The following TSC2 variants were observed in gnomAD, a reference collection of about 807,000 sequenced individuals.
The protein encoded by TSC2 is TSC complex subunit 2.
A neutral mutation model predicts 202.2 loss-of-function variants in TSC2; 29 were observed. The ratio of observed to expected loss-of-function variants is 0.14; its 90% CI spans 0.11 to 0.20. The LOEUF is 0.20. Among genes scored for constraint, TSC2 ranks in the 10% least tolerant of loss-of-function variants. The pLI, the probability that TSC2 is intolerant of heterozygous loss-of-function variation, is 1.00. For synonymous variants in TSC2, 1,349 were observed against 1,044.0 expected, an observed-to-expected ratio of 1.29 and a Z score of -5.63; for missense variants, 2,429 against 2,420.0, an observed-to-expected ratio of 1.00 and a Z score of -0.08.
Position 2,088,219 on chromosome 16 carries a change from G to C in TSC2, c.5161-8G>C, listed in dbSNP as rs374674097. The C allele has an allele frequency of 2.5e-6, 4 of 1,613,038 alleles. No homozygotes were observed. The South Asian group carries it at 3.3e-5, about 13-fold the overall frequency. On this transcript the variant is annotated splice_region_variant and splice_polypyrimidine_tract_variant and intron_variant, in intron 40 of 41. Coordinates refer to ENST00000219476, the MANE Select transcript of TSC2 (RefSeq NM_000548.5). ...GATAGTGAGCTCACCCCCTGCCTAC[G>C]TCCCCAGATGGCCTCACAGGTGCAT...
chr16:2,087,719 C>A (rs1283395938), intron 38 of TSC2, 144 bp from the exon 39 acceptor site: 3 of 1,039,716 alleles, frequency 2.9e-6, no homozygotes, highest in Non-Finnish European at 4.3e-6. Context: ...CAGACAAACA[C>A]AGCCCCGCTG....
At chr16:2,061,016 G>A in intron 11 of TSC2, 2 of 671,372 alleles carry the variant, frequency 3.0e-6, no homozygotes, top group Non-Finnish European at 5.0e-6. Flanking sequence ...CATCGTTTAG[G>A]CCCCAGACAG....
At chr16:2,074,613 C>G in intron 22 of TSC2, 1 of 608,972 alleles carries the variant, frequency 1.6e-6, no homozygotes, top group Non-Finnish European at 2.9e-6. Flanking sequence ...AACGCTCCTC[C>G]TTGAAGAAGC....
chr16:2,075,719 G>T (rs986521947), intron 22 of TSC2, 80 bp from the exon 23 acceptor site: 4 of 1,476,624 alleles, frequency 2.7e-6, no homozygotes, highest in African/African-American at 1.4e-5. Flanking sequence ...CATCGCTGCC[G>T]TGGGCAGAGC....
At chr16:2,078,973 T>C in intron 26 of TSC2, 59 bp from the exon 27 acceptor site, 12 of 1,606,408 alleles carry the variant, frequency 7.5e-6, no homozygotes, top group Non-Finnish European at 1.0e-5. Context: ...CCCTTGGTGA[T>C]AGGTGGCTCG....
In TSC2 at chr16:2,048,654, G is replaced by T. The variant is rs766814650; in HGVS notation, c.39G>T (p.Glu13Asp). 1.2e-6 allele frequency: 2 copies of T among 1,614,010 alleles called. No individual in the cohort carries two copies. Among genetic ancestry groups the T allele is most frequent in the Admixed American group, 1.7e-5 (1 of 60,012 alleles). Reference sequence around the variant, plus strand: ...CAAGCAAAGATTCAGGCTTGAAGGAGAAGTTTAAGATTCTGTTGGGACTGG... The same window carrying T: ...CAAGCAAAGATTCAGGCTTGAAGGATAAGTTTAAGATTCTGTTGGGACTGG... ...KPTSKDSGLK[E>D]KFKILLGLGT... The change falls in exon 2 of 42, where the codon GAG becomes GAT. Residue 13 changes from glutamate (E) to aspartate (D), a missense_variant. Transcript: ENST00000219476.
intron 38 of TSC2, chr16:2,087,147 G>A: frequency 1.9e-6 from 1 of 523,208 alleles, no homozygotes; most frequent in South Asian, 2.0e-5. Context: ...GGTGCTTCCT[G>A]TCTGTCCGGC....
At chr16:2,064,730 G>C (rs1056387365) in intron 15 of TSC2, 6 of 499,848 alleles carry the variant, frequency 1.2e-5, no homozygotes, top group Non-Finnish European at 2.2e-5. Flanking sequence ...CGTCCTCCCT[G>C]CCCAGCCAAC....
At position 2,087,747 on chromosome 16, in the gene TSC2, G is replaced by C. The variant is rs1479538712; in HGVS notation, c.4990-116G>C. 12 of 1,286,932 alleles carry C rather than the reference G, an allele frequency of 9.3e-6. No individual in the cohort carries two copies. In the Admixed American group the frequency reaches 2.4e-4, roughly 25 times the overall value. 79.7% of individuals were successfully genotyped at this position (1,286,932 alleles called of 1,614,324 possible). ...CCCCGCTGCCAGAGGGGAAAGTTCAGGGGCAGATGCTGCCCATGGAGCTGA... is the reference window on the plus strand; with the variant it reads ...CCCCGCTGCCAGAGGGGAAAGTTCACGGGCAGATGCTGCCCATGGAGCTGA... On this transcript the variant is annotated intron_variant, in intron 38 of 41. Transcript: ENST00000219476.
intron 33 of TSC2, 122 bp downstream of exon 33, chr16:2,083,938 C>G: frequency 6.9e-7 from 1 of 1,450,054 alleles, no homozygotes. Context: ...GATGTTCTTC[C>G]ACATCCCTCG....
intron 25 of TSC2, 151 bp downstream of exon 25, chr16:2,076,736 C>T (rs1031012018): frequency 3.9e-6 from 3 of 779,018 alleles, no homozygotes; most frequent in Non-Finnish European, 6.3e-6. Flanking sequence ...GCAAGGGCCG[C>T]TAACACCCCT....
intron 9 of TSC2, among the ~76,000 whole-genome samples, chr16:2,057,389 C>T (rs1344250653): frequency 6.6e-6 from 1 of 152,212 alleles, no homozygotes; most frequent in Non-Finnish European, 1.5e-5. Context: ...TATCCACACC[C>T]AGCTCAGTGC....
Position 2,072,497 on chromosome 16 carries a change from G to C in TSC2, c.2220+134G>C, listed in dbSNP as rs1419643157. On this transcript the variant is annotated intron_variant, in intron 20 of 41. Transcript: ENST00000219476. ...TTCCCTCAAACTCAGCTGCACTCTG[G>C]AGCGCAGATTGTGCCTTGGGCAGGG... 8 of 1,414,026 alleles carry C rather than the reference G, an allele frequency of 5.7e-6. No individual in the cohort carries two copies. In the South Asian group the frequency reaches 1.1e-4, roughly 19 times the overall value. 87.6% of individuals were successfully genotyped at this position (1,414,026 alleles called of 1,614,324 possible).
In TSC2 at chr16:2,088,300, G is replaced by A. The variant is rs766093661; in HGVS notation, c.5234G>A (p.Arg1745His). The change falls in exon 41 of 42, where the codon CGC becomes CAC. Residue 1745 changes from arginine to histidine, a missense_variant. By Grantham distance (29) the Arg-to-His change is conservative. Transcript: ENST00000219476. The stretch of plus-strand genomic sequence containing the variant: ...CCCTCCAAGTGGATTGCCCGGCTCC[G>A]CCACATCAAGCGGCTCCGCCAGCGG... ...IYPSKWIARL[R>H]HIKRLRQRIC... 29 of 1,612,474 alleles carry A rather than the reference G, an allele frequency of 1.8e-5. No individual in the cohort carries two copies. The highest frequency in any genetic ancestry group is 4.0e-5 in the African/African-American group (3 of 74,914).
chr16:2,065,488 C>T lies in TSC2; in HGVS notation c.1600-31C>T, dbSNP rs2151205147. ...CGGCTGCTGACTCAGAACCATGAGC[C>T]TGTGTGTAAGTCCTGGCCTTCTCTT... On this transcript the variant is annotated intron_variant, in intron 15 of 41. Coordinates refer to ENST00000219476, the MANE Select transcript of TSC2 (RefSeq NM_000548.5). 3.2e-6 allele frequency: 5 copies of T among 1,572,600 alleles called. No individual in the cohort carries two copies. In the South Asian group the frequency reaches 3.3e-5, roughly 10 times the overall value.
intron 30 of TSC2, chr16:2,081,258 G>GGCCCAGA: frequency 7.5e-6 from 3 of 402,102 alleles, no homozygotes; most frequent in Non-Finnish European, 1.4e-5. Flanking sequence ...CCTTTGCAGA[G>GGCCCAGA]GCCCAGAGCC....
At chr16:2,076,833 C>T (rs771398649) in intron 25 of TSC2, among the ~76,000 whole-genome samples, 1 of 152,178 alleles carries the variant, frequency 6.6e-6, no homozygotes, top group Admixed American at 6.5e-5. Context: ...GGTTGGGGTG[C>T]AAGCTTTAGG....
Position 2,081,577 on chromosome 16 carries a change from G to A in TSC2, c.3611-18G>A. On this transcript the variant is annotated intron_variant, in intron 30 of 41. Transcript: ENST00000219476. ...GGGAGGTACTGGCCTCAGGCCAAAG[G>A]TGCTGCCGCCTCCGCAGGGAACACC... 1 of 1,612,860 alleles carries A rather than the reference G, an allele frequency of 6.2e-7. No homozygotes were observed. The highest frequency in any genetic ancestry group is 8.5e-7 in the Non-Finnish European group (1 of 1,179,980).
intron 38 of TSC2, 158 bp downstream of exon 38, chr16:2,087,029 C>A: frequency 1.7e-6 from 2 of 1,142,962 alleles, no homozygotes; most frequent in Non-Finnish European, 2.5e-6. Flanking sequence ...CACCCCGAGC[C>A]TGCGTTGTGT....
Sources: gnomAD v4.1 joint callset for allele counts (sites outside exome capture counted in the v4.1 genomes callset) on GRCh38, gnomAD v4.1.1 for gene constraint, MANE v1.5 for transcripts, NCBI Gene and HGNC (gene_info 2026-07-23, HGNC 2026-07-21) for gene names.